Variants in AIFM2 observed in about 807,000 individuals in gnomAD.
AIFM2 encodes ferroptosis suppressor protein 1.
AIFM2 carries 38 observed loss-of-function variants against 35.7 expected under a neutral mutation model. The observed-to-expected ratio is 1.06, with a 90% CI of 0.82 to 1.39. The LOEUF is 1.39. Among genes scored for constraint, AIFM2 ranks in the 40% most tolerant of loss-of-function variants. AIFM2 has a pLI of 0.00. For synonymous variants in AIFM2, 185 were observed against 203.5 expected (o/e 0.91, Z 0.77); for missense variants, 476 against 491.2 (o/e 0.97, Z 0.29).
chr10:70,116,788 C>A lies in AIFM2; in HGVS notation c.617-14G>T, dbSNP rs1040301542. 1.9e-6 allele frequency: 3 copies of A among 1,612,932 alleles called. No individual in the cohort carries two copies. Among genetic ancestry groups the A allele is most frequent in the South Asian group, 2.2e-5 (2 of 91,058 alleles). ...TCACCCGCTCACCTAGAAGGGGGTT[C>A]ATGACCAGGAGGCTGGTGGGGACAG... is the stretch of plus-strand genomic sequence containing the variant. On this transcript the variant is annotated splice_polypyrimidine_tract_variant and intron_variant, in intron 6 of 8. Transcript: ENST00000307864.
intron 5 of AIFM2, among the ~76,000 whole-genome samples, chr10:70,120,229 C>G (rs527483609): frequency 1.1e-4 from 16 of 152,318 alleles, no homozygotes; most frequent in South Asian, 2.1e-4. Flanking sequence ...AGGTATTGCC[C>G]CTGGGCTTGA....
intron 7 of AIFM2, among the ~76,000 whole-genome samples, chr10:70,116,357 T>C (rs1419758328): frequency 1.3e-5 from 2 of 152,230 alleles, no homozygotes; most frequent in African/African-American, 4.8e-5. Context: ...GTCATCTCTC[T>C]GACGCCTGTT....
At chr10:70,130,919 C>T (rs759093581) in intron 1 of AIFM2, among the ~76,000 whole-genome samples, 4 of 152,166 alleles carry the variant, frequency 2.6e-5, no homozygotes, top group Non-Finnish European at 4.4e-5. Context: ...TGCCACAACA[C>T]ACATACACAC....
In AIFM2 at chr10:70,121,081, G is replaced by A. The variant is rs770963127; in HGVS notation, c.414+11C>T. The A allele has an allele frequency of 1.2e-6, 2 of 1,609,484 alleles. No homozygotes were observed. The highest frequency in any genetic ancestry group is 1.7e-6 in the Non-Finnish European group (2 of 1,179,138). ...GCCCACACTGCCCCATGCCTTCAGT[G>A]CACAGCTCACCTGCCTCACCATGTC... On this transcript the variant is annotated intron_variant, in intron 4 of 8. Coordinates refer to ENST00000307864, the MANE Select transcript of AIFM2 (RefSeq NM_032797.6).
chr10:70,121,737 TA>T (rs1284723122), intron 3 of AIFM2, among the ~76,000 whole-genome samples: 4 of 150,770 alleles, frequency 2.7e-5, no homozygotes, highest in African/African-American at 7.3e-5. Flanking sequence ...AATAATAAAA[TA>T]ATTTAATTTT....
At chr10:70,115,218 G>C in intron 7 of AIFM2, 98 bp from the exon 8 acceptor site, 3 of 1,322,124 alleles carry the variant, frequency 2.3e-6, no homozygotes, top group Non-Finnish European at 2.1e-6. Context: ...TGGTCAATAG[G>C]TGCTGGTCAG....
chr10:70,123,560 G>A (rs1255941836), intron 2 of AIFM2, 40 bp from the exon 3 acceptor site: 2 of 1,559,578 alleles, frequency 1.3e-6, no homozygotes, highest in Non-Finnish European at 1.8e-6. Flanking sequence ...GGCAGAGCCA[G>A]GCTGCCCACG....
chr10:70,124,258 AG>A (rs1300430546), intron 1 of AIFM2, among the ~76,000 whole-genome samples, 161 bp from the exon 2 acceptor site: 1 of 152,230 alleles, frequency 6.6e-6, no homozygotes, highest in Non-Finnish European at 1.5e-5. Flanking sequence ...TAAATTCAGA[AG>A]GAACAAGGGG....
In AIFM2 at chr10:70,121,179, C is replaced by T. The variant is rs781309199; in HGVS notation, c.327G>A (p.Thr109=). The change falls in exon 4 of 9, where the codon ACG becomes ACA. Residue 109 remains threonine (T), a synonymous_variant. Coordinates refer to ENST00000307864, the MANE Select transcript of AIFM2 (RefSeq NM_032797.6). ...TGCCCGGGAAGGGCCCAGTGCTGCCCGTGGCCAGGATAAGATGAGAGAAGG... is the reference window on the plus strand; with the variant it reads ...TGCCCGGGAAGGGCCCAGTGCTGCCTGTGGCCAGGATAAGATGAGAGAAGG... ...ALPFSHLILA[T]GSTGPFPGKF... 4.4e-6 allele frequency: 7 copies of T among 1,591,644 alleles called. No individual in the cohort carries two copies. The highest frequency in any genetic ancestry group is 2.3e-5 in the East Asian group (1 of 43,758).
At chr10:70,116,821 A>C in intron 6 of AIFM2, 47 bp from the exon 7 acceptor site, 1 of 1,606,816 alleles carries the variant, frequency 6.2e-7, no homozygotes, top group Non-Finnish European at 8.5e-7. Flanking sequence ...CAGGGACCCC[A>C]TCAAGCCTGG....
Position 70,114,114 on chromosome 10 carries a change from G to A in AIFM2, c.*64C>T, listed in dbSNP as rs889721404. ...ATTAGTTCTAGCACTTGCCAGGCGG[G>A]TGCCATGCGCCAAGCAGTCCGTACG... On this transcript the variant is annotated 3_prime_UTR_variant, in exon 9 of 9. Transcript: ENST00000307864. 37 of 1,540,986 alleles carry A rather than the reference G, an allele frequency of 2.4e-5. No individual in the cohort carries two copies. The East Asian group carries it at 3.2e-4, about 13-fold the overall frequency.
In AIFM2 at chr10:70,123,472, T is replaced by A. The variant is rs766635300; in HGVS notation, c.227A>T (p.Asn76Ile). 7 of 1,614,024 alleles carry A rather than the reference T, an allele frequency of 4.3e-6. No individual in the cohort carries two copies. The East Asian group carries it at 1.3e-4, about 31-fold the overall frequency. ...FISYSVTFKD[N>I]FRQGLVVGID... ...CCCCACTACTAGCCCCTGCCGGAAG[T>A]TGTCCTTGAAAGTCACCGAGTAAGA... The change falls in exon 3 of 9, where the codon AAC (asparagine) becomes ATC (isoleucine). Residue 76 changes from asparagine (N) to isoleucine (I), a missense_variant. Transcript: ENST00000307864.
rs1054506680 is a variant in AIFM2, at chr10:70,117,073, G to A, written c.617-299C>T. 2.6e-5 allele frequency among the ~76,000 whole-genome samples: 4 copies of A among 152,204 alleles called. No individual in the cohort carries two copies. The highest frequency in any genetic ancestry group is 4.8e-5 in the African/African-American group (2 of 41,462). ...CTGTTTAATGGAAGATCTCAGACGC[G>A]CCTCTTATGAGTGCCAGCCGTGCCA... On this transcript the variant is annotated intron_variant, in intron 6 of 8. Transcript: ENST00000307864. The surrounding 1 kb of genome is among the most constrained non-coding windows in gnomAD (Gnocchi z 4.7).
rs754619564 is a variant in AIFM2, at chr10:70,123,960, A to T, written c.125T>A (p.Met42Lys). ...CACATTGTGGTGGAAGGAGTCCTTC[A>T]TGTCCACCAGCATGAAGGGGACGTT... is the stretch of plus-strand genomic sequence containing the variant. ...ALNVPFMLVD[M>K]KDSFHHNVAA... The change falls in exon 2 of 9, where the codon ATG (methionine) becomes AAG (lysine). Residue 42 changes from methionine (M) to lysine (K), a missense_variant. Met to Lys is a moderately conservative substitution (Grantham distance 95). Coordinates refer to ENST00000307864, the MANE Select transcript of AIFM2 (RefSeq NM_032797.6). The T allele has an allele frequency of 6.2e-7, 1 of 1,611,644 alleles. No individual in the cohort carries two copies. Among genetic ancestry groups the T allele is most frequent in the Non-Finnish European group, 8.5e-7 (1 of 1,178,580 alleles).
At position 70,131,251 on chromosome 10, in the gene AIFM2, T is replaced by C. The variant is rs1421592347; in HGVS notation, c.-14+1483A>G. On this transcript the variant is annotated intron_variant, in intron 1 of 8. Coordinates refer to ENST00000307864, the MANE Select transcript of AIFM2 (RefSeq NM_032797.6). This position sits in a 1 kb window ranked among gnomAD's most constrained non-coding sequence, Gnocchi z 4.1. ...CTCACACAAAGGGTAGGTTTCAACA[T>C]CAGCCTCTGGAGAGCCACATTCCCA... 6.6e-6 allele frequency among the ~76,000 whole-genome samples: 1 copy of C among 152,128 alleles called. No individual in the cohort carries two copies. The highest frequency in any genetic ancestry group is 1.5e-5 in the Non-Finnish European group (1 of 68,034).
chr10:70,121,223 CAAAAAAAAAAAAA>C lies in AIFM2; in HGVS notation c.295-25_295-13del, dbSNP rs35599207. The C allele has an allele frequency of 7.4e-4, 491 of 665,168 alleles. 1 individual carries two copies. The African/African-American group carries it at 8.8e-3, about 12-fold the overall frequency. 41.2% of individuals were successfully genotyped at this position (665,168 alleles called of 1,614,324 possible). ...GAGAAGGGCAGGGCCTGAGAGAAAC[CAAAAAAAAAAAAA>C]AAAAAAAAAAAAAAAAGATGAGGGT... On this transcript the variant is annotated splice_polypyrimidine_tract_variant and intron_variant, in intron 3 of 8. Coordinates refer to ENST00000307864, the MANE Select transcript of AIFM2 (RefSeq NM_032797.6).
At chr10:70,114,584 C>T (rs2072413964) in intron 8 of AIFM2, among the ~76,000 whole-genome samples, 1 of 152,108 alleles carries the variant, frequency 6.6e-6, no homozygotes, top group South Asian at 2.1e-4. Flanking sequence ...AAGCCATTCT[C>T]CTGCCTCAAC....
At position 70,112,508 on chromosome 10, in the gene AIFM2, A is replaced by ACTT; in HGVS notation, c.*1667_*1669dup. On this transcript the variant is annotated 3_prime_UTR_variant, in exon 9 of 9. Coordinates refer to ENST00000307864, the MANE Select transcript of AIFM2 (RefSeq NM_032797.6). ...TCGTGGTCCATAAAGAAAGACAGATACTTGGATGCAACCACCAGGGGAACA... is the reference window on the plus strand; with the variant it reads ...TCGTGGTCCATAAAGAAAGACAGATACTTCTTGGATGCAACCACCAGGGGAACA... 1 of 152,216 alleles carries ACTT rather than the reference A, an allele frequency of 6.6e-6. No homozygotes were observed. 9.4% of individuals were successfully genotyped at this position (152,216 alleles called of 1,614,324 possible).
chr10:70,129,126 A>ATTT (rs35700120), intron 1 of AIFM2, among the ~76,000 whole-genome samples: 1 of 133,916 alleles, frequency 7.5e-6, no homozygotes, highest in Non-Finnish European at 1.6e-5. Context: ...GAGCTGGCTA[A>ATTT]TTTTTTTTTT....
Sources: gnomAD v4.1 joint callset for allele counts (sites outside exome capture counted in the v4.1 genomes callset) on GRCh38, gnomAD v4.1.1 for gene constraint, Gnocchi (gnomAD v3.1) non-coding constraint, MANE v1.5 for transcripts, NCBI Gene and HGNC (gene_info 2026-07-23, HGNC 2026-07-21) for gene names.